PTGER4: variants seen among roughly 807,000 people sequenced by gnomAD.
The protein encoded by PTGER4 is prostaglandin E receptor 4, also known as prostaglandin E2 receptor EP4 subtype.
Under a neutral mutation model 33.2 loss-of-function variants are expected in PTGER4, and 11 were observed. The ratio of observed to expected loss-of-function variants is 0.33; its 90% confidence interval spans 0.21 to 0.55. The LOEUF (loss-of-function observed/expected upper bound fraction) is 0.55, where lower values mean the gene tolerates loss of function less well. Ranked by LOEUF, PTGER4 falls within the 20% of genes least tolerant of loss-of-function variation. The pLI is 0.92. For missense variants in PTGER4, 481 were observed against 650.2 expected, an observed-to-expected ratio of 0.74 and a Z score of 2.83; for synonymous variants, 275 against 281.5, an observed-to-expected ratio of 0.98 and a Z score of 0.23.
chr5:40,733,864 T>C, the PTGER4 span, among the ~76,000 whole-genome samples: 1 of 152,196 alleles, frequency 6.6e-6, no homozygotes, highest in Non-Finnish European at 1.5e-5. Flanking sequence ...TTTTTCTTTT[T>C]ATTAGGCAGG....
chr5:40,681,686 C>G lies in PTGER4; in HGVS notation c.693C>G (p.Ala231=). The G allele has an allele frequency of 6.4e-7, 1 of 1,572,724 alleles. No homozygotes were observed. The highest frequency in any genetic ancestry group is 2.3e-5 in the East Asian group (1 of 42,890). Residue 231 remains alanine (A), a synonymous_variant, in exon 2 of 3, where the codon GCC becomes GCG. Coordinates refer to ENST00000302472, the MANE Select transcript of PTGER4 (RefSeq NM_000958.3). The surrounding 1 kb of genome is among the most constrained non-coding windows in gnomAD (Gnocchi z 9.8). ...TSLGTEQHHA[A]AAASVASRGH... is the part of the protein sequence containing the mutation. ...TGGGCACCGAGCAGCACCACGCGGCCGCGGCCGCCTCGGTTGCCTCCCGGG... is the reference window on the plus strand; with the variant it reads ...TGGGCACCGAGCAGCACCACGCGGCGGCGGCCGCCTCGGTTGCCTCCCGGG...
rs1407381546 is a variant in PTGER4 at position 40,691,889 on chromosome 5, C to G, written c.978C>G (p.Pro326=). 6.2e-7 allele frequency: 1 copy of G among 1,614,134 alleles called. No individual in the cohort carries two copies. Among genetic ancestry groups the G allele is most frequent in the Admixed American group, 1.7e-5 (1 of 60,012 alleles). ...CTTCTGTGAACCCCATCCTAGACCC[C>G]TGGATATATATCCTCCTGAGAAAGA... is the stretch of plus-strand genomic sequence containing the variant. ...RIASVNPILD[P]WIYILLRKTV... is the part of the protein sequence containing the mutation. The change falls in exon 3 of 3, where the codon CCC becomes CCG. Residue 326 remains proline (P), a synonymous_variant. Transcript: ENST00000302472. This position sits in a 1 kb window ranked among gnomAD's most constrained non-coding sequence, Gnocchi z 4.2.
chr5:40,704,970 A>AT, the PTGER4 span, among the ~76,000 whole-genome samples: 1 of 152,160 alleles, frequency 6.6e-6, no homozygotes, highest in Non-Finnish European at 1.5e-5. Flanking sequence ...ACTAGAAAAA[A>AT]ATTTTTTTTA....
the PTGER4 span, among the ~76,000 whole-genome samples, chr5:40,733,316 T>G: frequency 6.6e-6 from 1 of 152,160 alleles, no homozygotes; most frequent in Non-Finnish European, 1.5e-5. Flanking sequence ...AAGGTCCATA[T>G]AGTAAACATT....
Position 40,681,883 on chromosome 5 carries a change from C to A in PTGER4, c.867+23C>A. On this transcript the variant is annotated intron_variant, in intron 2 of 2. Transcript: ENST00000302472. This position sits in a 1 kb window ranked among gnomAD's most constrained non-coding sequence, Gnocchi z 9.8. ...GTGGTGAGTGACCGGGGCTGGGGCC[C>A]TACTCGGCCTTTTTCTCGCATCCAC... The A allele has an allele frequency of 6.7e-7, 1 of 1,483,084 alleles. No individual in the cohort carries two copies. Among genetic ancestry groups the A allele is most frequent in the Non-Finnish European group, 8.9e-7 (1 of 1,121,210 alleles). 91.9% of individuals were successfully genotyped at this position (1,483,084 alleles called of 1,614,324 possible).
At chr5:40,718,529 C>G in the PTGER4 span, among the ~76,000 whole-genome samples, 1 of 152,170 alleles carries the variant, frequency 6.6e-6, no homozygotes, top group Non-Finnish European at 1.5e-5. Context: ...ATCACAAGGT[C>G]AGGAGTTCAA....
chr5:40,722,769 G>C, the PTGER4 span, among the ~76,000 whole-genome samples: 4 of 151,306 alleles, frequency 2.6e-5, no homozygotes, highest in Non-Finnish European at 5.9e-5. Flanking sequence ...CCCCGTCCCG[G>C]AGGTGGCGGG....
Position 40,681,876 on chromosome 5 carries a change from TG to T in PTGER4, c.867+20del. 1 of 1,491,660 alleles carries T rather than the reference TG, an allele frequency of 6.7e-7. No individual in the cohort carries two copies. Among genetic ancestry groups the T allele is most frequent in the Admixed American group, 2.5e-5 (1 of 40,428 alleles). The allele number at this position is 1,491,660 out of a possible 1,614,324, so 92.4% of individuals were successfully genotyped here. A position where few individuals can be genotyped will look rare whatever the true frequency, so the allele number is the denominator to read the frequency against. On this transcript the variant is annotated intron_variant, in intron 2 of 2. Transcript: ENST00000302472. This position sits in a 1 kb window ranked among gnomAD's most constrained non-coding sequence, Gnocchi z 9.8. ...CCCGCTCGTGGTGAGTGACCGGGGC[TG>T]GGGCCCTACTCGGCCTTTTTCTCGC...
the PTGER4 span, among the ~76,000 whole-genome samples, chr5:40,704,139 A>G: frequency 6.6e-6 from 1 of 152,116 alleles, no homozygotes; most frequent in Non-Finnish European, 1.5e-5. Context: ...CTAATCCACT[A>G]TGATCAAGTA....
At chr5:40,723,143 C>T in the PTGER4 span, among the ~76,000 whole-genome samples, 5 of 152,046 alleles carry the variant, frequency 3.3e-5, no homozygotes, top group South Asian at 4.2e-4. Flanking sequence ...CCCCCAACCC[C>T]GTGCTCTCTG....
At chr5:40,746,439 T>C in the PTGER4 span, among the ~76,000 whole-genome samples, 91 of 152,286 alleles carry the variant, frequency 6.0e-4, no homozygotes, top group African/African-American at 2.1e-3. Context: ...ATTTACCTGA[T>C]ACATAATGTT....
the PTGER4 span, among the ~76,000 whole-genome samples, chr5:40,738,489 C>CAATAAAATACAATAAAATAA: frequency 2.0e-5 from 2 of 101,646 alleles, no homozygotes; most frequent in South Asian, 3.5e-4. Flanking sequence ...CAATACAATA[C>CAATAAAATACAATAAAATAA]AATACAATAC....
chr5:40,735,169 G>T, the PTGER4 span, among the ~76,000 whole-genome samples: 1 of 152,204 alleles, frequency 6.6e-6, no homozygotes, highest in Non-Finnish European at 1.5e-5. Context: ...CCATAGTTAT[G>T]CATGTGGATT....
chr5:40,696,890 A>C (rs751558169), downstream of PTGER4, among the ~76,000 whole-genome samples: 2 of 151,954 alleles, frequency 1.3e-5, no homozygotes, highest in Non-Finnish European at 2.9e-5. Flanking sequence ...GAGCACAGTG[A>C]AACCATACTG....
intron 2 of PTGER4, among the ~76,000 whole-genome samples, chr5:40,689,796 T>A (rs1741424047): frequency 6.6e-6 from 1 of 152,196 alleles, no homozygotes; most frequent in Admixed American, 6.5e-5. Flanking sequence ...TTTATGTATC[T>A]TCCTTGACTG....
At chr5:40,684,973 A>C (rs1218779049) in intron 2 of PTGER4, among the ~76,000 whole-genome samples, 1 of 152,188 alleles carries the variant, frequency 6.6e-6, no homozygotes, top group African/African-American at 2.4e-5. Context: ...CTGGTTTTAA[A>C]TGCTGTAGCT....
chr5:40,727,327 GTA>G, the PTGER4 span, among the ~76,000 whole-genome samples: 1 of 152,166 alleles, frequency 6.6e-6, no homozygotes, highest in Non-Finnish European at 1.5e-5. Flanking sequence ...ATTTGGCACT[GTA>G]TATTAGATTT....
chr5:40,729,969 G>A, the PTGER4 span, among the ~76,000 whole-genome samples: 635 of 152,298 alleles, frequency 4.2e-3, 3 homozygotes, highest in African/African-American at 0.015. Context: ...AAATTGCTGG[G>A]ATTACAGACG....
chr5:40,735,776 G>A, the PTGER4 span, among the ~76,000 whole-genome samples: 4 of 152,124 alleles, frequency 2.6e-5, no homozygotes, highest in African/African-American at 9.7e-5. Context: ...GGAAGACTGT[G>A]GTCACCTGTG....
Sources: gnomAD v4.1 joint callset for allele counts (sites outside exome capture counted in the v4.1 genomes callset) on GRCh38, gnomAD v4.1.1 for gene constraint, Gnocchi (gnomAD v3.1) non-coding constraint, MANE v1.5 for transcripts, NCBI Gene and HGNC (gene_info 2026-07-23, HGNC 2026-07-21) for gene names.